NEXN: variants seen among roughly 807,000 people sequenced by gnomAD.
The protein encoded by NEXN is nexilin F-actin binding protein.
In NEXN, 65 loss-of-function variants were observed where a neutral mutation model predicts 92.6. That is an observed-to-expected ratio of 0.70 (90% CI 0.57 to 0.86). The LOEUF (loss-of-function observed/expected upper bound fraction) is 0.86. NEXN is among the 40% of genes least tolerant of loss of function. The pLI is 0.00. For missense variants in NEXN, 778 were observed against 771.1 expected, an observed-to-expected ratio of 1.01 and a Z score of -0.11; for synonymous variants, 254 against 242.5, an observed-to-expected ratio of 1.05 and a Z score of -0.44.
chr1:77,906,345 T>C (rs1396757928), intron 1 of NEXN, among the ~76,000 whole-genome samples: 2 of 152,166 alleles, frequency 1.3e-5, no homozygotes, highest in Non-Finnish European at 2.9e-5. Context: ...ATCTAATAAT[T>C]AACCTAAACA....
intron 1 of NEXN, among the ~76,000 whole-genome samples, chr1:77,893,729 C>T (rs1472139413): frequency 5.3e-5 from 8 of 152,050 alleles, no homozygotes; most frequent in African/African-American, 4.8e-5. Flanking sequence ...GGATATACTT[C>T]GAAAAGTATC....
chr1:77,912,374 T>G (rs2102076266), intron 1 of NEXN, among the ~76,000 whole-genome samples: 1 of 152,118 alleles, frequency 6.6e-6, no homozygotes, highest in Non-Finnish European at 1.5e-5. Context: ...TAATTCTCCC[T>G]AGATCCATCT....
At chr1:77,891,398 C>A (rs1404202121) in intron 1 of NEXN, among the ~76,000 whole-genome samples, 1 of 152,094 alleles carries the variant, frequency 6.6e-6, no homozygotes, top group Non-Finnish European at 1.5e-5. Flanking sequence ...GTGAAAGCAT[C>A]CCATGCAGTG....
chr1:77,932,573 A>G (rs899446225), intron 9 of NEXN, among the ~76,000 whole-genome samples: 36 of 152,354 alleles, frequency 2.4e-4, no homozygotes, highest in African/African-American at 8.7e-4. Context: ...AGACAAAATC[A>G]TGATTAACTT....
rs3767028 is a variant in NEXN, at chr1:77,942,851, C to T, written c.*22C>T. On this transcript the variant is annotated 3_prime_UTR_variant, in exon 13 of 13. Transcript: ENST00000334785. ...TTAATCACTCTTTTTATCTTTTATT[C>T]TATTAATTTTTTTTTCCTTAAAATC... 1 of 1,579,458 alleles carries T rather than the reference C, an allele frequency of 6.3e-7. No homozygotes were observed.
At chr1:77,937,893 C>T (rs559527752) in intron 11 of NEXN, among the ~76,000 whole-genome samples, 4 of 152,148 alleles carry the variant, frequency 2.6e-5, no homozygotes, top group African/African-American at 9.6e-5. Context: ...ATTAATAAAG[C>T]AGAGTAAGGG....
At position 77,927,610 on chromosome 1, in the gene NEXN, G is replaced by C. The variant is rs1452784647; in HGVS notation, c.864+718G>C. 7.9e-4 allele frequency among the ~76,000 whole-genome samples: 120 copies of C among 151,226 alleles called. No homozygotes were observed. The Middle Eastern group carries it at 0.01, about 13-fold the overall frequency. On this transcript the variant is annotated intron_variant, in intron 8 of 12. Coordinates refer to ENST00000334785, the MANE Select transcript of NEXN (RefSeq NM_144573.4). Reference sequence around the variant, plus strand: ...CCTCTGTGTGTGTGTGTCTGTGTGTGTGTGTGTGTGTGTGTGTGTGTGTAG... The same window carrying C: ...CCTCTGTGTGTGTGTGTCTGTGTGTCTGTGTGTGTGTGTGTGTGTGTGTAG...
At chr1:77,899,415 A>G (rs983437790) in intron 1 of NEXN, among the ~76,000 whole-genome samples, 2 of 152,072 alleles carry the variant, frequency 1.3e-5, no homozygotes, top group Non-Finnish European at 2.9e-5. Context: ...AGGACAAAAA[A>G]CCAAACACCG....
rs972673849 is a variant in NEXN at position 77,916,044 on chromosome 1, AT to A, written c.-52-4del. On this transcript the variant is annotated splice_polypyrimidine_tract_variant and intron_variant, in intron 1 of 12. Coordinates refer to ENST00000334785, the MANE Select transcript of NEXN (RefSeq NM_144573.4). ...AATTAAAATTTATTATACAATATAA[AT>A]TTTTTTCAGGTGCAAATATATACAG... is the stretch of plus-strand genomic sequence containing the variant. 51 of 1,102,328 alleles carry A rather than the reference AT, an allele frequency of 4.6e-5. No homozygotes were observed. The highest frequency in any genetic ancestry group is 3.9e-4 in the African/African-American group (24 of 61,062). The allele number at this position is 1,102,328 out of a possible 1,614,324, so 68.3% of individuals were successfully genotyped here.
At chr1:77,899,055 T>C (rs1647469243) in intron 1 of NEXN, among the ~76,000 whole-genome samples, 1 of 152,234 alleles carries the variant, frequency 6.6e-6, no homozygotes, top group Non-Finnish European at 1.5e-5. Context: ...TTTACACTGT[T>C]GGTGGGACTG....
chr1:77,901,058 A>G (rs1312119222), intron 1 of NEXN, among the ~76,000 whole-genome samples: 1 of 152,254 alleles, frequency 6.6e-6, no homozygotes, highest in Admixed American at 6.5e-5. Flanking sequence ...ATACATTTCT[A>G]GAATGAGAAC....
intron 11 of NEXN, among the ~76,000 whole-genome samples, chr1:77,940,971 CA>C (rs1322666219): frequency 6.6e-6 from 1 of 152,068 alleles, no homozygotes; most frequent in Non-Finnish European, 1.5e-5. Flanking sequence ...AATGCAGAAC[CA>C]GAAAAACCAT....
At chr1:77,930,357 T>C (rs1285732811) in intron 9 of NEXN, among the ~76,000 whole-genome samples, 1 of 152,208 alleles carries the variant, frequency 6.6e-6, no homozygotes, top group Admixed American at 6.5e-5. Context: ...TAAATCACTA[T>C]GAAATCTGTC....
chr1:77,918,803 A>G (rs1346825703), intron 5 of NEXN, among the ~76,000 whole-genome samples: 1 of 152,202 alleles, frequency 6.6e-6, no homozygotes, highest in South Asian at 2.1e-4. Context: ...ATCATATACA[A>G]TCTTACCGCT....
At chr1:77,923,780 C>G (rs952115327) in intron 5 of NEXN, among the ~76,000 whole-genome samples, 2 of 150,332 alleles carry the variant, frequency 1.3e-5, no homozygotes, top group African/African-American at 4.9e-5. Context: ...CGGGTTCACA[C>G]GATTCTCCTG....
intron 5 of NEXN, among the ~76,000 whole-genome samples, chr1:77,923,187 G>T (rs1197834488): frequency 7.1e-6 from 1 of 140,800 alleles, no homozygotes; most frequent in Admixed American, 7.2e-5. Context: ...TTTGTAGAGA[G>T]AGGGTCTCGC....
Position 77,926,593 on chromosome 1 carries a change from G to A in NEXN, c.669G>A (p.Lys223=), listed in dbSNP as rs767747207. ...EEQRPSLKEA[K]CLSLVMDDEI... is the part of the protein sequence containing the mutation. ...AACGACCATCTCTCAAGGAAGCAAA[G>A]TGTCTTTCATTAGTTATGGTAAATT... The change falls in exon 7 of 13, where the codon AAG becomes AAA. Residue 223 remains lysine, a synonymous_variant. Coordinates refer to ENST00000334785, the MANE Select transcript of NEXN (RefSeq NM_144573.4). 22 of 1,613,788 alleles carry A rather than the reference G, an allele frequency of 1.4e-5. No individual in the cohort carries two copies. Among genetic ancestry groups the A allele is most frequent in the East Asian group, 2.2e-5 (1 of 44,806 alleles).
At chr1:77,902,327 A>G (rs1647786497) in intron 1 of NEXN, among the ~76,000 whole-genome samples, 1 of 152,140 alleles carries the variant, frequency 6.6e-6, no homozygotes. Context: ...AAATCCTTAA[A>G]TTTTATTTGT....
At position 77,942,182 on chromosome 1, in the gene NEXN, A is replaced by T. The variant is rs1651385812; in HGVS notation, c.1633A>T (p.Arg545Trp). 1 of 1,613,724 alleles carries T rather than the reference A, an allele frequency of 6.2e-7. No individual in the cohort carries two copies. The highest frequency in any genetic ancestry group is 8.5e-7 in the Non-Finnish European group (1 of 1,179,756). Residue 545 changes from arginine to tryptophan, a missense_variant, in exon 12 of 13, where the codon AGG becomes TGG. Transcript: ENST00000334785. ...QKLLRMQFEQ[R>W]EIDAALQKKR... The stretch of plus-strand genomic sequence containing the variant: ...GTTACTACGCATGCAGTTTGAACAA[A>T]GGGAAATTGATGCAGCACTACAAAA...
Sources: gnomAD v4.1 joint callset for allele counts (sites outside exome capture counted in the v4.1 genomes callset) on GRCh38, gnomAD v4.1.1 for gene constraint, MANE v1.5 for transcripts, NCBI Gene and HGNC (gene_info 2026-07-23, HGNC 2026-07-21) for gene names.